PPFIA2: variants seen among roughly 807,000 people sequenced by gnomAD.
The protein encoded by PPFIA2 is liprin-alpha-2.
A neutral mutation model predicts 175.5 loss-of-function variants in PPFIA2; 46 were observed. The ratio of observed to expected loss-of-function variants is 0.26; its 90% CI spans 0.21 to 0.34. The LOEUF (loss-of-function observed/expected upper bound fraction) is 0.34. PPFIA2 is among the 10% of genes least tolerant of loss of function. The pLI is 1.00. For missense variants in PPFIA2, 1,179 were observed against 1,506.1 expected (o/e 0.78, Z 3.60); for synonymous variants, 568 against 511.4 (o/e 1.11, Z -1.49).
rs1378470095 is a variant in PPFIA2, at chr12:81,368,201, T to G, written c.1482+524A>C. The G allele has an allele frequency of 3.2e-6, 4 of 1,248,962 alleles. No individual in the cohort carries two copies. The Admixed American group carries it at 9.2e-5, about 29-fold the overall frequency. The allele number at this position is 1,248,962 out of a possible 1,614,324, so 77.4% of individuals were successfully genotyped here. ...AGACATATATAACTGTAAATCACAT[T>G]GCAGACTGTACAGAAGCACTATTTC... On this transcript the variant is annotated intron_variant, in intron 13 of 32. Coordinates refer to ENST00000549396, the MANE Select transcript of PPFIA2 (RefSeq NM_003625.5).
At chr12:81,481,485 C>T (rs528963871) in intron 4 of PPFIA2, among the ~76,000 whole-genome samples, 3 of 152,240 alleles carry the variant, frequency 2.0e-5, no homozygotes, top group East Asian at 1.9e-4. Flanking sequence ...TACCTGACTG[C>T]AAACGATGCT....
rs1378272434 is a variant in PPFIA2, at chr12:81,754,124, T to A, written c.98A>T (p.Gln33Leu). The part of the protein sequence containing the change: ...SGSDSDSHFE[Q>L]LMVNMLDERD... Reference sequence around the variant, plus strand: ...TTCATCTAGCATATTCACCATCAGCTGCTCAAAATGGGAGTCTGAGTCCGA... The same window carrying A: ...TTCATCTAGCATATTCACCATCAGCAGCTCAAAATGGGAGTCTGAGTCCGA... Residue 33 changes from glutamine to leucine, a missense_variant, in exon 3 of 33, where the codon CAG becomes CTG. Gln to Leu is a moderately radical substitution (Grantham distance 113). Coordinates refer to ENST00000549396, the MANE Select transcript of PPFIA2 (RefSeq NM_003625.5). 1 of 1,613,804 alleles carries A rather than the reference T, an allele frequency of 6.2e-7. No individual in the cohort carries two copies. The highest frequency in any genetic ancestry group is 8.5e-7 in the Non-Finnish European group (1 of 1,179,824).
chr12:81,395,790 T>C (rs978111786), intron 8 of PPFIA2, among the ~76,000 whole-genome samples: 1 of 152,014 alleles, frequency 6.6e-6, no homozygotes, highest in African/African-American at 2.4e-5. Context: ...TCCTGCACAG[T>C]CTTTCCCCTT....
At chr12:81,640,400 G>A (rs1403259420) in intron 4 of PPFIA2, among the ~76,000 whole-genome samples, 6 of 152,178 alleles carry the variant, frequency 3.9e-5, no homozygotes, top group South Asian at 2.1e-4. Context: ...ACAAAATATC[G>A]TCTTATCCTA....
chr12:81,638,650 A>T (rs1480087426), intron 4 of PPFIA2, among the ~76,000 whole-genome samples: 7 of 131,828 alleles, frequency 5.3e-5, no homozygotes, highest in African/African-American at 2.0e-4. Flanking sequence ...AGAGACTGTA[A>T]TTTCAGATTT....
chr12:81,659,248 G>C (rs1312005651), intron 4 of PPFIA2, among the ~76,000 whole-genome samples: 1 of 152,128 alleles, frequency 6.6e-6, no homozygotes, highest in African/African-American at 2.4e-5. Context: ...CCAAGTGTGA[G>C]CCGAAGCAGG....
intron 18 of PPFIA2, 144 bp downstream of exon 18, chr12:81,347,389 C>T: frequency 2.6e-6 from 2 of 763,910 alleles, no homozygotes; most frequent in Non-Finnish European, 2.2e-6. Context: ...GTACTGATCA[C>T]ATAGGGATGT....
intron 11 of PPFIA2, 36 bp downstream of exon 11, chr12:81,374,598 A>C (rs779150213): frequency 2.5e-5 from 38 of 1,544,988 alleles, no homozygotes; most frequent in Non-Finnish European, 3.0e-5. Context: ...CTTTCTACAA[A>C]TATATCTAGG....
At chr12:81,735,985 G>T (rs1002607944) in intron 3 of PPFIA2, among the ~76,000 whole-genome samples, 3 of 151,778 alleles carry the variant, frequency 2.0e-5, no homozygotes, top group Non-Finnish European at 4.4e-5. Flanking sequence ...AGTAAGTTTT[G>T]AAATCAGTAA....
intron 3 of PPFIA2, among the ~76,000 whole-genome samples, chr12:81,688,145 T>C (rs1424947318): frequency 1.3e-5 from 2 of 152,026 alleles, no homozygotes; most frequent in African/African-American, 2.4e-5. Flanking sequence ...CATATTATTT[T>C]CATTCTTCCT....
chr12:81,276,481 A>G (rs905471693), intron 28 of PPFIA2, among the ~76,000 whole-genome samples: 1 of 152,154 alleles, frequency 6.6e-6, no homozygotes. Context: ...AACAACAACA[A>G]TAATAAAAAT....
chr12:81,726,113 T>C (rs1405610746), intron 3 of PPFIA2, among the ~76,000 whole-genome samples: 3 of 151,142 alleles, frequency 2.0e-5, no homozygotes, highest in Admixed American at 6.6e-5. Context: ...TTCCCACCTA[T>C]TACCATCTCT....
At chr12:81,572,388 A>G (rs2072714901) in intron 4 of PPFIA2, among the ~76,000 whole-genome samples, 1 of 152,012 alleles carries the variant, frequency 6.6e-6, no homozygotes, top group East Asian at 1.9e-4. Flanking sequence ...ATCTTGTAAT[A>G]TAATAAATAT....
chr12:81,489,249 T>C (rs1402652102), intron 4 of PPFIA2, among the ~76,000 whole-genome samples: 5 of 151,896 alleles, frequency 3.3e-5, no homozygotes, highest in Middle Eastern at 3.4e-3. Flanking sequence ...TGTATCTATA[T>C]ATACATCTAA....
chr12:81,321,472 T>G (rs2053636759), intron 22 of PPFIA2, among the ~76,000 whole-genome samples: 1 of 152,204 alleles, frequency 6.6e-6, no homozygotes, highest in South Asian at 2.1e-4. Context: ...AGTTCTTGAT[T>G]CTAAAGTAAC....
At chr12:81,492,084 G>C (rs17008619) in intron 4 of PPFIA2, among the ~76,000 whole-genome samples, 2,354 of 151,860 alleles carry the variant, frequency 0.016, 49 homozygotes, top group East Asian at 0.044. Context: ...AAAGAGTTTT[G>C]TGTGCCTGAC....
At chr12:81,343,102 A>G (rs545551213) in intron 19 of PPFIA2, among the ~76,000 whole-genome samples, 4 of 152,040 alleles carry the variant, frequency 2.6e-5, no homozygotes, top group Non-Finnish European at 5.9e-5. Flanking sequence ...CTAATATTAC[A>G]TTTCCTCATC....
chr12:81,259,543 G>T lies in PPFIA2; in HGVS notation c.*151C>A. 2 of 1,275,566 alleles carry T rather than the reference G, an allele frequency of 1.6e-6. No individual in the cohort carries two copies. Among genetic ancestry groups the T allele is most frequent in the Non-Finnish European group, 2.2e-6 (2 of 921,294 alleles). 79.0% of individuals were successfully genotyped at this position (1,275,566 alleles called of 1,614,324 possible). On this transcript the variant is annotated 3_prime_UTR_variant, in exon 33 of 33. Coordinates refer to ENST00000549396, the MANE Select transcript of PPFIA2 (RefSeq NM_003625.5). ...CTCCCCCCAAAAATCACATTTTTCAGCTTTTAATAAGTCATGACGTCATTA... is the reference window on the plus strand; with the variant it reads ...CTCCCCCCAAAAATCACATTTTTCATCTTTTAATAAGTCATGACGTCATTA...
intron 4 of PPFIA2, chr12:81,512,144 C>A (rs537580421): frequency 6.4e-6 from 2 of 311,662 alleles, no homozygotes; most frequent in Admixed American, 4.7e-5. Context: ...CTGTAGTGTC[C>A]GTCAATGTCA....
Sources: allele counts gnomAD v4.1 joint callset (sites outside exome capture counted in the v4.1 genomes callset), GRCh38; gene constraint gnomAD v4.1.1; transcripts MANE v1.5; gene names NCBI Gene and HGNC (gene_info 2026-07-23, HGNC 2026-07-21).